The following SMARCC1 variants were observed in gnomAD, a reference collection of about 807,000 sequenced individuals.
SMARCC1 encodes the protein SWI/SNF complex subunit SMARCC1.
SMARCC1 carries 43 observed loss-of-function variants against 147.4 expected under a neutral mutation model. That is an observed-to-expected ratio of 0.29 (90% confidence interval 0.23 to 0.38). The LOEUF (loss-of-function observed/expected upper bound fraction) is 0.38. Among genes scored for constraint, SMARCC1 ranks in the 10% least tolerant of loss-of-function variants. The pLI, the probability that SMARCC1 is intolerant of heterozygous loss-of-function variation, is 1.00. For synonymous variants in SMARCC1, 495 were observed against 484.4 expected (o/e 1.02, Z -0.29); for missense variants, 1,119 against 1,381.1 (o/e 0.81, Z 3.01).
At chr3:47,670,045 G>C (rs749178796) in intron 19 of SMARCC1, among the ~76,000 whole-genome samples, 1 of 152,232 alleles carries the variant, frequency 6.6e-6, no homozygotes, top group Non-Finnish European at 1.5e-5. Context: ...TGTCTTAGTA[G>C]TCACTTTATT....
intron 22 of SMARCC1, among the ~76,000 whole-genome samples, chr3:47,637,832 ACTTTGAAGCTCTTCACACACTGG>A: frequency 6.6e-6 from 1 of 152,222 alleles, no homozygotes; most frequent in Admixed American, 6.5e-5. Flanking sequence ...CACACTGGCT[ACTTTGAAGCTCTTCACACACTGG>A]CTTTAGTGTC....
At position 47,604,503 on chromosome 3, in the gene SMARCC1, T is replaced by C. The variant is rs535283509; in HGVS notation, c.3043+5563A>G. The C allele has an allele frequency of 1.9e-4, 70 of 363,188 alleles. 3 individuals carry two copies. Among genetic ancestry groups the C allele is most frequent in the South Asian group, 1.2e-3 (55 of 47,476 alleles). 22.5% of individuals were successfully genotyped at this position (363,188 alleles called of 1,614,324 possible). A position where few individuals can be genotyped will look rare whatever the true frequency, so the allele number is the denominator to read the frequency against. On this transcript the variant is annotated intron_variant, in intron 26 of 27. Coordinates refer to ENST00000254480, the MANE Select transcript of SMARCC1 (RefSeq NM_003074.4). Reference sequence around the variant, plus strand: ...ATCATGAGTTGGAAGGACCTGCTCATAGTTCTTACCTTACCCTGTGGCAAC... The same window carrying C: ...ATCATGAGTTGGAAGGACCTGCTCACAGTTCTTACCTTACCCTGTGGCAAC...
intron 19 of SMARCC1, among the ~76,000 whole-genome samples, chr3:47,664,904 C>G (rs1431435928): frequency 6.6e-6 from 1 of 151,864 alleles, no homozygotes; most frequent in East Asian, 1.9e-4. Flanking sequence ...TGCATTAGAG[C>G]CTAATTTGCT....
chr3:47,724,184 G>A (rs2034270653), intron 6 of SMARCC1, among the ~76,000 whole-genome samples: 1 of 152,196 alleles, frequency 6.6e-6, no homozygotes, highest in Non-Finnish European at 1.5e-5. Flanking sequence ...ATGAAAGTAG[G>A]ATGCTGAAGA....
intron 16 of SMARCC1, among the ~76,000 whole-genome samples, chr3:47,677,935 G>A (rs2033594823): frequency 6.6e-6 from 1 of 152,116 alleles, no homozygotes; most frequent in Non-Finnish European, 1.5e-5. Flanking sequence ...AGAATCGCTT[G>A]AGGCCAGGAG....
rs112324808 is a variant in SMARCC1, at chr3:47,726,746, T to C, written c.646+2279A>G. On this transcript the variant is annotated intron_variant, in intron 6 of 27. Coordinates refer to ENST00000254480, the MANE Select transcript of SMARCC1 (RefSeq NM_003074.4). ...TAATCATAAAAACACAAATTCTGTA[T>C]GATTTCATCTAAGGTGGTCAAATTC... 8.0e-3 allele frequency among the ~76,000 whole-genome samples: 1,220 copies of C among 152,348 alleles called. 10 individuals are homozygous for C. The highest frequency in any genetic ancestry group is 0.011 in the Non-Finnish European group (753 of 68,026).
At chr3:47,684,933 T>C (rs1481234356) in intron 14 of SMARCC1, among the ~76,000 whole-genome samples, 1 of 152,102 alleles carries the variant, frequency 6.6e-6, no homozygotes, top group Non-Finnish European at 1.5e-5. Context: ...AAACCAATAA[T>C]AAAAAAGAAC....
intron 26 of SMARCC1, among the ~76,000 whole-genome samples, chr3:47,606,169 C>G (rs563536149): frequency 6.6e-6 from 1 of 152,224 alleles, no homozygotes; most frequent in South Asian, 2.1e-4. Flanking sequence ...TTTAGAAAAG[C>G]CTATTTTTGT....
chr3:47,610,896 A>C (rs933269386), intron 25 of SMARCC1: 1 of 152,840 alleles, frequency 6.5e-6, no homozygotes, highest in Non-Finnish European at 1.5e-5. Flanking sequence ...GAACTTTGGC[A>C]GTGCCACTGC....
intron 1 of SMARCC1, among the ~76,000 whole-genome samples, chr3:47,778,706 G>A (rs541338457): frequency 6.6e-6 from 1 of 152,278 alleles, no homozygotes; most frequent in East Asian, 1.9e-4. Context: ...GTAAGAGTCA[G>A]TGTGGGCCAA....
chr3:47,758,275 A>G (rs1157868178), intron 2 of SMARCC1, among the ~76,000 whole-genome samples: 11 of 151,942 alleles, frequency 7.2e-5, no homozygotes, highest in Non-Finnish European at 1.5e-5. Flanking sequence ...GTTTGCCAAC[A>G]TGCTGACGCT....
Position 47,621,070 on chromosome 3 carries a change from G to C in SMARCC1, c.2781+1137C>G, listed in dbSNP as rs955480349. Among the ~76,000 whole-genome samples the C allele has an allele frequency of 6.6e-5, 10 of 152,146 alleles. No individual in the cohort carries two copies. The East Asian group carries it at 1.7e-3, about 26-fold the overall frequency. The stretch of plus-strand genomic sequence containing the variant: ...TAATCCCAGCCCTTCAGGAGGCTGA[G>C]GTGGGCAGATCATGAGGTCAAGAGA... On this transcript the variant is annotated intron_variant, in intron 25 of 27. Transcript: ENST00000254480.
At chr3:47,643,071 G>A (rs186641771) in intron 21 of SMARCC1, among the ~76,000 whole-genome samples, 54 of 152,002 alleles carry the variant, frequency 3.6e-4, no homozygotes, top group African/African-American at 1.2e-3. Context: ...ATAAATAACT[G>A]GAATTTCCTA....
chr3:47,745,273 CA>C (rs2034552732), intron 3 of SMARCC1, among the ~76,000 whole-genome samples: 3 of 152,124 alleles, frequency 2.0e-5, no homozygotes, highest in African/African-American at 7.2e-5. Context: ...ACAAAACAAA[CA>C]AACAAAAATA....
chr3:47,708,382 C>T (rs2034042903), intron 9 of SMARCC1, among the ~76,000 whole-genome samples: 1 of 152,006 alleles, frequency 6.6e-6, no homozygotes. Flanking sequence ...CTCAAGCACT[C>T]CACCTACCCT....
intron 24 of SMARCC1, among the ~76,000 whole-genome samples, chr3:47,634,970 T>C (rs948486150): frequency 2.6e-5 from 4 of 152,204 alleles, no homozygotes; most frequent in African/African-American, 7.2e-5. Context: ...CAAGGCTAAA[T>C]GGTATAATGA....
intron 6 of SMARCC1, among the ~76,000 whole-genome samples, chr3:47,724,210 A>T (rs1342573192): frequency 2.0e-5 from 3 of 152,234 alleles, no homozygotes; most frequent in African/African-American, 4.8e-5. Flanking sequence ...TTGCACACCC[A>T]TGTTCATTAC....
At chr3:47,631,920 G>C (rs893110966) in intron 24 of SMARCC1, among the ~76,000 whole-genome samples, 1 of 152,176 alleles carries the variant, frequency 6.6e-6, no homozygotes, top group African/African-American at 2.4e-5. Flanking sequence ...GATCCCAGCT[G>C]TAAGTGGCAC....
At chr3:47,707,287 A>G (rs2106794142) in intron 9 of SMARCC1, among the ~76,000 whole-genome samples, 1 of 151,756 alleles carries the variant, frequency 6.6e-6, no homozygotes, top group East Asian at 1.9e-4. Flanking sequence ...ACTCCACCCT[A>G]GGTGACAGAG....
Sources: gnomAD v4.1 joint callset for allele counts (sites outside exome capture counted in the v4.1 genomes callset) on GRCh38, gnomAD v4.1.1 for gene constraint, MANE v1.5 for transcripts, NCBI Gene and HGNC (gene_info 2026-07-23, HGNC 2026-07-21) for gene names.